The following RBMS1 variants were observed in gnomAD, a reference collection of about 807,000 sequenced individuals.
RBMS1 encodes RNA-binding motif, single-stranded-interacting protein 1.
In RBMS1, 17 loss-of-function variants were observed where a neutral mutation model predicts 62.3. The ratio of observed to expected loss-of-function variants is 0.27; its 90% CI spans 0.19 to 0.41. The LOEUF is 0.41. Ranked by LOEUF, RBMS1 falls within the 10% of genes least tolerant of loss-of-function variation. The pLI is 1.00. For synonymous variants in RBMS1, 172 were observed against 170.0 expected (o/e 1.01, Z -0.09); for missense variants, 334 against 504.5 (o/e 0.66, Z 3.24).
chr2:160,286,286 A>C lies in RBMS1; in HGVS notation c.756+683T>G, dbSNP rs534008756. Among the ~76,000 whole-genome samples the C allele has an allele frequency of 2.6e-3, 352 of 137,934 alleles. 5 individuals are homozygous for C. Among genetic ancestry groups the C allele is most frequent in the African/African-American group, 8.9e-3 (333 of 37,362 alleles). 90.5% of individuals were successfully genotyped at this position (137,934 alleles called of 152,430 possible). On this transcript the variant is annotated intron_variant, in intron 7 of 13. Coordinates refer to ENST00000348849, the MANE Select transcript of RBMS1 (RefSeq NM_016836.4). ...CTGGACTCCAGCCTGGGCAACAGAGACCATGTTTCTTCCTTTCTTTTTTTT... is the reference window on the plus strand; with the variant it reads ...CTGGACTCCAGCCTGGGCAACAGAGCCCATGTTTCTTCCTTTCTTTTTTTT...
chr2:160,428,027 A>G (rs934540201), intron 1 of RBMS1, among the ~76,000 whole-genome samples: 21 of 152,226 alleles, frequency 1.4e-4, no homozygotes, highest in African/African-American at 4.8e-4. Context: ...TTAGGTTATT[A>G]TAAATATTTA....
intron 11 of RBMS1, chr2:160,278,250 CTGCCACAGGGACAG>C (rs1241723506): frequency 2.4e-5 from 9 of 375,440 alleles, no homozygotes; most frequent in African/African-American, 1.9e-4. Flanking sequence ...CTTCATGACA[CTGCCACAGGGACAG>C]TGGTACTAGT....
At chr2:160,431,371 T>C (rs1417452542) in intron 1 of RBMS1, among the ~76,000 whole-genome samples, 3 of 151,668 alleles carry the variant, frequency 2.0e-5, no homozygotes, top group Non-Finnish European at 2.9e-5. Flanking sequence ...GTACAAAGGT[T>C]CTCATTACCT....
chr2:160,338,115 T>C (rs1166750391), intron 2 of RBMS1, among the ~76,000 whole-genome samples: 1 of 152,120 alleles, frequency 6.6e-6, no homozygotes, highest in Non-Finnish European at 1.5e-5. Context: ...ATACCATCCT[T>C]ATTAAATACT....
intron 2 of RBMS1, among the ~76,000 whole-genome samples, chr2:160,359,383 G>A (rs879519227): frequency 6.6e-6 from 1 of 152,126 alleles, no homozygotes; most frequent in Admixed American, 6.6e-5. Context: ...TAAAATAAAT[G>A]TAATAACTAA....
rs1685021983 is a variant in RBMS1, at chr2:160,473,818, A to T, written c.75+19471T>A. Among the ~76,000 whole-genome samples the T allele has an allele frequency of 2.0e-5, 3 of 152,118 alleles. No individual in the cohort carries two copies. In the South Asian group the frequency reaches 6.2e-4, roughly 32 times the overall value. Reference sequence around the variant, plus strand: ...AAAGTTTGACTACTTCTCCTCTATTACTTGAGTCTTTTCTTCCTCTACTCA... The same window carrying T: ...AAAGTTTGACTACTTCTCCTCTATTTCTTGAGTCTTTTCTTCCTCTACTCA... On this transcript the variant is annotated intron_variant, in intron 1 of 13. Transcript: ENST00000348849.
rs531657796 is a variant in RBMS1 at position 160,449,570 on chromosome 2, G to A, written c.75+43719C>T. Among the ~76,000 whole-genome samples, 244 of 152,286 alleles carry A rather than the reference G, an allele frequency of 1.6e-3. 3 individuals are homozygous for A. The highest frequency in any genetic ancestry group is 3.1e-4 in the Non-Finnish European group (21 of 68,034). On this transcript the variant is annotated intron_variant, in intron 1 of 13. Transcript: ENST00000348849. Reference sequence around the variant, plus strand: ...GAAACATGTGCTGTGTCCACTCAGGGTTAAACGGATTAAGGGCGGTGCAAG... The same window carrying A: ...GAAACATGTGCTGTGTCCACTCAGGATTAAACGGATTAAGGGCGGTGCAAG...
At chr2:160,298,891 A>G (rs1689072433) in intron 6 of RBMS1, among the ~76,000 whole-genome samples, 1 of 152,114 alleles carries the variant, frequency 6.6e-6, no homozygotes. Context: ...ACAAAGAGGG[A>G]AGGTGCTGTG....
At position 160,410,418 on chromosome 2, in the gene RBMS1, G is replaced by C. The variant is rs188462399; in HGVS notation, c.76-43027C>G. 8.6e-5 allele frequency among the ~76,000 whole-genome samples: 13 copies of C among 151,934 alleles called. No individual in the cohort carries two copies. The East Asian group carries it at 1.9e-3, about 23-fold the overall frequency. The stretch of plus-strand genomic sequence containing the variant: ...ACTAGGTACTGTGTTCTTAAGTAAA[G>C]CATTACAAAGAGATAAGATAGATTG... On this transcript the variant is annotated intron_variant, in intron 1 of 13. Coordinates refer to ENST00000348849, the MANE Select transcript of RBMS1 (RefSeq NM_016836.4).
At chr2:160,278,300 G>A in intron 11 of RBMS1, 1 of 524,032 alleles carries the variant, frequency 1.9e-6, no homozygotes, top group Non-Finnish European at 3.4e-6. Context: ...AGTCATAAAA[G>A]GCTAGATGTG....
intron 6 of RBMS1, among the ~76,000 whole-genome samples, chr2:160,296,976 G>T (rs544981673): frequency 6.6e-6 from 1 of 152,248 alleles, no homozygotes; most frequent in African/African-American, 2.4e-5. Context: ...CAACAAACAG[G>T]TGGCCAGGGT....
chr2:160,296,537 C>G (rs1238860144), intron 6 of RBMS1, among the ~76,000 whole-genome samples: 1 of 152,202 alleles, frequency 6.6e-6, no homozygotes, highest in African/African-American at 2.4e-5. Context: ...GGAATAAATA[C>G]TAAACACTAG....
intron 1 of RBMS1, among the ~76,000 whole-genome samples, chr2:160,468,176 T>C (rs756839563): frequency 2.6e-5 from 4 of 152,198 alleles, no homozygotes; most frequent in Non-Finnish European, 5.9e-5. Flanking sequence ...TAAAGAAATG[T>C]AGTAGCCATT....
At chr2:160,321,698 T>A (rs1376481354) in intron 2 of RBMS1, among the ~76,000 whole-genome samples, 1 of 152,164 alleles carries the variant, frequency 6.6e-6, no homozygotes, top group Non-Finnish European at 1.5e-5. Context: ...TCACTAGCAC[T>A]CACTCTCCCA....
chr2:160,329,227 C>T (rs922813619), intron 2 of RBMS1, among the ~76,000 whole-genome samples: 2 of 152,120 alleles, frequency 1.3e-5, no homozygotes, highest in African/African-American at 4.8e-5. Flanking sequence ...CTATTTTACT[C>T]ACTTCAGCTC....
At chr2:160,284,440 A>G (rs889010534) in intron 9 of RBMS1, 15 of 341,222 alleles carry the variant, frequency 4.4e-5, no homozygotes, top group Admixed American at 8.8e-5. Flanking sequence ...ATTCTGTATT[A>G]TATCTAACGG....
intron 2 of RBMS1, among the ~76,000 whole-genome samples, chr2:160,318,829 A>G (rs1176350107): frequency 6.6e-6 from 1 of 152,238 alleles, no homozygotes; most frequent in Admixed American, 6.5e-5. Flanking sequence ...ACTTATTTAC[A>G]CCACTTGTAA....
intron 2 of RBMS1, among the ~76,000 whole-genome samples, chr2:160,321,045 A>G (rs1167212162): frequency 1.3e-5 from 2 of 152,064 alleles, no homozygotes; most frequent in African/African-American, 4.8e-5. Flanking sequence ...AACAGAAGAA[A>G]GGCTCATTTA....
At chr2:160,352,377 A>G (rs1416703958) in intron 2 of RBMS1, among the ~76,000 whole-genome samples, 4 of 152,162 alleles carry the variant, frequency 2.6e-5, no homozygotes, top group Non-Finnish European at 5.9e-5. Flanking sequence ...ATTCCTTGGA[A>G]CAGTGGCTAC....
Sources: allele counts gnomAD v4.1 joint callset (sites outside exome capture counted in the v4.1 genomes callset), GRCh38; gene constraint gnomAD v4.1.1; transcripts MANE v1.5; gene names NCBI Gene and HGNC (gene_info 2026-07-23, HGNC 2026-07-21).